Variants in TFAP2C observed in about 807,000 individuals in gnomAD.
The protein encoded by TFAP2C is transcription factor AP-2 gamma, also known as activating enhancer-binding protein 2 gamma.
TFAP2C carries 9 observed loss-of-function variants against 42.9 expected under a neutral mutation model. The ratio of observed to expected loss-of-function variants is 0.21; its 90% confidence interval spans 0.13 to 0.37. The LOEUF (loss-of-function observed/expected upper bound fraction) is 0.37, where lower values mean the gene tolerates loss of function less well. Among genes scored for constraint, TFAP2C ranks in the 10% least tolerant of loss-of-function variants. The pLI is 1.00. For missense variants in TFAP2C, 462 were observed against 591.7 expected (o/e 0.78, Z 2.27); for synonymous variants, 264 against 256.0 (o/e 1.03, Z -0.30).
Position 56,631,016 on chromosome 20 carries a change from C to T in TFAP2C, c.49-189C>T. 8.1e-6 allele frequency: 8 copies of T among 985,400 alleles called. No individual in the cohort carries two copies. Among genetic ancestry groups the T allele is most frequent in the Admixed American group, 6.1e-5 (1 of 16,292 alleles). The allele number at this position is 985,400 out of a possible 1,614,324, so 61.0% of individuals were successfully genotyped here. ...CTTTCACCAGACTCTCCTCCCTCCC[C>T]GCACTCTTTGCTTACAACGAAATCC... On this transcript the variant is annotated intron_variant, in intron 1 of 6. Coordinates refer to ENST00000201031, the MANE Select transcript of TFAP2C (RefSeq NM_003222.4). The surrounding 1 kb of genome is among the most constrained non-coding windows in gnomAD (Gnocchi z 6.1).
rs2146446254 is a variant in TFAP2C, at chr20:56,631,296, C to G, written c.140C>G (p.Ser47Cys). The G allele has an allele frequency of 6.2e-7, 1 of 1,607,842 alleles. No homozygotes were observed. Among genetic ancestry groups the G allele is most frequent in the Non-Finnish European group, 8.5e-7 (1 of 1,177,824 alleles). Residue 47 changes from serine (S) to cysteine (C), a missense_variant, in exon 2 of 7, where the codon TCC (serine) becomes TGC (cysteine). Physicochemically the swap from Ser to Cys is moderately radical, Grantham distance 112 (BLOSUM62 -1). This residue lies in a region of TFAP2C where 271 missense variants were observed against 269.7 expected (regional missense o/e 1.00). Coordinates refer to ENST00000201031, the MANE Select transcript of TFAP2C (RefSeq NM_003222.4). The surrounding 1 kb of genome is among the most constrained non-coding windows in gnomAD (Gnocchi z 6.1). ...CTCTACAGCCCCGCGCCACCCCTCT[C>G]CCACACTGGAGTCGCCGAATATCAG... ...QHLYSPAPPL[S>C]HTGVAEYQPP... is the part of the protein sequence containing the mutation.
chr20:56,637,949 C>G lies in TFAP2C; in HGVS notation c.1289C>G (p.Pro430Arg), dbSNP rs1377756888. The G allele has an allele frequency of 3.1e-6, 5 of 1,613,950 alleles. No individual in the cohort carries two copies. Among genetic ancestry groups the G allele is most frequent in the East Asian group, 2.2e-5 (1 of 44,900 alleles). The change falls in exon 7 of 7, where the codon CCT (proline) becomes CGT (arginine). Residue 430 changes from proline (P) to arginine (R), a missense_variant. Pro to Arg is a moderately radical substitution (Grantham distance 103). Coordinates refer to ENST00000201031, the MANE Select transcript of TFAP2C (RefSeq NM_003222.4). The part of the protein sequence containing the change: ...LIVIDKSYMN[P>R]GDQSPADSNK... The stretch of plus-strand genomic sequence containing the variant: ...GTCATAGACAAATCCTACATGAACC[C>G]TGGAGACCAGAGTCCAGCTGATTCT...
chr20:56,634,382 G>T (rs898465678), intron 5 of TFAP2C, 114 bp downstream of exon 5: 6 of 719,700 alleles, frequency 8.3e-6, no homozygotes, highest in Admixed American at 8.1e-5. Flanking sequence ...AAGTAGAGAT[G>T]AAAGCAATTG....
Position 56,631,521 on chromosome 20 carries a change from C to T in TFAP2C, c.365C>T (p.Ala122Val). 6.6e-7 allele frequency: 1 copy of T among 1,507,170 alleles called. No homozygotes were observed. The highest frequency in any genetic ancestry group is 2.6e-5 in the East Asian group (1 of 38,824). The allele number at this position is 1,507,170 out of a possible 1,614,324, so 93.4% of individuals were successfully genotyped here. The part of the protein sequence containing the change: ...AGLPSHHGRP[A>V]GLLPHLSGLE... ...CTGCCCTCGCACCACGGGCGCCCGG[C>T]CGGCCTACTGCCCCACCTCTCCGGG... The change falls in exon 2 of 7, where the codon GCC (alanine) becomes GTC (valine). Residue 122 changes from alanine to valine, a missense_variant. Physicochemically the swap from Ala to Val is moderately conservative, Grantham distance 64. Coordinates refer to ENST00000201031, the MANE Select transcript of TFAP2C (RefSeq NM_003222.4). This position sits in a 1 kb window ranked among gnomAD's most constrained non-coding sequence, Gnocchi z 6.1.
intron 6 of TFAP2C, among the ~76,000 whole-genome samples, chr20:56,637,024 G>A (rs942150363): frequency 1.3e-5 from 2 of 152,256 alleles, no homozygotes; most frequent in Admixed American, 1.3e-4. Flanking sequence ...TTTCATTATT[G>A]TGTTAGCATA....
rs1568753299 is a variant in TFAP2C at position 56,636,712 on chromosome 20, G to A, written c.1025G>A (p.Arg342Gln). 10 of 1,613,542 alleles carry A rather than the reference G, an allele frequency of 6.2e-6. No homozygotes were observed. The highest frequency in any genetic ancestry group is 1.1e-5 in the South Asian group (1 of 90,840). ...EYLTRPHLGGRNEMAARKNML... is the reference protein window; with the variant it reads ...EYLTRPHLGGQNEMAARKNML... The stretch of plus-strand genomic sequence containing the variant: ...TTAACCAGACCTCATCTTGGAGGAC[G>A]AAATGAGATGGCAGCTAGGAAGAAC... Residue 342 changes from arginine to glutamine, a missense_variant, in exon 6 of 7, where the codon CGA becomes CAA. Coordinates refer to ENST00000201031, the MANE Select transcript of TFAP2C (RefSeq NM_003222.4).
rs751078089 is a variant in TFAP2C at position 56,634,239 on chromosome 20, A to G, written c.893A>G (p.His298Arg). Reference sequence around the variant, plus strand: ...CCGGCCGGGAGGCGGAAAGCCGCTCATGTGACTCTCCTGACATCCTTAGTA... The same window carrying G: ...CCGGCCGGGAGGCGGAAAGCCGCTCGTGTGACTCTCCTGACATCCTTAGTA... ...NLPAGRRKAA[H>R]VTLLTSLVEG... The change falls in exon 5 of 7, where the codon CAT (histidine) becomes CGT (arginine). Residue 298 changes from histidine to arginine, a missense_variant. Transcript: ENST00000201031. The G allele has an allele frequency of 2.5e-6, 4 of 1,614,082 alleles. No homozygotes were observed. The highest frequency in any genetic ancestry group is 3.3e-5 in the Admixed American group (2 of 60,022).
Position 56,629,541 on chromosome 20 carries a change from C to A in TFAP2C, c.-4C>A. On this transcript the variant is annotated 5_prime_UTR_variant, in exon 1 of 7. Transcript: ENST00000201031. The surrounding 1 kb of genome is among the most constrained non-coding windows in gnomAD (Gnocchi z 5.9). Reference sequence around the variant, plus strand: ...GGCGACTGTTTTGGGGGACGCCGGACGCCATGTTGTGGAAAATAACCGATA... The same window carrying A: ...GGCGACTGTTTTGGGGGACGCCGGAAGCCATGTTGTGGAAAATAACCGATA... 7.0e-7 allele frequency: 1 copy of A among 1,425,464 alleles called. No homozygotes were observed. The highest frequency in any genetic ancestry group is 9.2e-7 in the Non-Finnish European group (1 of 1,087,276). The allele number at this position is 1,425,464 out of a possible 1,614,324, so 88.3% of individuals were successfully genotyped here.
chr20:56,629,455 G>A lies in TFAP2C; in HGVS notation c.-90G>A. 1 of 1,212,492 alleles carries A rather than the reference G, an allele frequency of 8.2e-7. No individual in the cohort carries two copies. Among genetic ancestry groups the A allele is most frequent in the African/African-American group, 1.6e-5 (1 of 64,162 alleles). 75.1% of individuals were successfully genotyped at this position (1,212,492 alleles called of 1,614,324 possible). A position where few individuals can be genotyped will look rare whatever the true frequency, so the allele number is the denominator to read the frequency against. On this transcript the variant is annotated 5_prime_UTR_variant, in exon 1 of 7. Transcript: ENST00000201031. The surrounding 1 kb of genome is among the most constrained non-coding windows in gnomAD (Gnocchi z 5.9). ...CGGCGGGGGCGGCGGCAGACGCCTG[G>A]TCACCGTGACCCCGATTTTGGATTT...
At position 56,630,264 on chromosome 20, in the gene TFAP2C, CGGG is replaced by C. The variant is rs1167302392; in HGVS notation, c.48+673_48+675del. ...TCAGGGGCGCCGGGAGCGCGGAGCT[CGGG>C]CTACGGACTCGCGGGAGTTCACTGC... On this transcript the variant is annotated intron_variant, in intron 1 of 6. Transcript: ENST00000201031. This position sits in a 1 kb window ranked among gnomAD's most constrained non-coding sequence, Gnocchi z 5.1. 1 of 319,446 alleles carries C rather than the reference CGGG, an allele frequency of 3.1e-6. No individual in the cohort carries two copies. Among genetic ancestry groups the C allele is most frequent in the African/African-American group, 2.2e-5 (1 of 44,590 alleles). The allele number at this position is 319,446 out of a possible 1,614,324, so 19.8% of individuals were successfully genotyped here.
intron 5 of TFAP2C, among the ~76,000 whole-genome samples, chr20:56,634,925 G>A (rs542465228): frequency 6.6e-6 from 1 of 152,316 alleles, no homozygotes; most frequent in South Asian, 2.1e-4. Flanking sequence ...ACCTTTAAAA[G>A]GAGCTGAAGG....
At chr20:56,637,389 A>T (rs1987604284) in intron 6 of TFAP2C, among the ~76,000 whole-genome samples, 1 of 152,216 alleles carries the variant, frequency 6.6e-6, no homozygotes, top group African/African-American at 2.4e-5. Flanking sequence ...ACTTGTACCA[A>T]GGTAAACTGT....
chr20:56,632,346 G>C (rs6025020), intron 3 of TFAP2C, among the ~76,000 whole-genome samples: 76,988 of 152,084 alleles, frequency 0.51, 22,557 homozygotes, highest in African/African-American at 0.83. Flanking sequence ...ATGAATACCT[G>C]TAAAAGGAAC....
rs1314184477 is a variant in TFAP2C at position 56,639,096 on chromosome 20, ACT to A, written c.*1088_*1089del. The stretch of plus-strand genomic sequence containing the variant: ...GCTTGGAAGATTCTATTTAATTGAA[ACT>A]CTCTGTTCAGAAAGCAATAACTTTG... On this transcript the variant is annotated 3_prime_UTR_variant, in exon 7 of 7. Transcript: ENST00000201031. The A allele has an allele frequency of 7.9e-5, 12 of 152,514 alleles. No homozygotes were observed. The highest frequency in any genetic ancestry group is 1.3e-4 in the Admixed American group (2 of 15,266). The allele number at this position is 152,514 out of a possible 1,614,324, so 9.4% of individuals were successfully genotyped here.
At chr20:56,632,007 A>C (rs1323723681) in intron 3 of TFAP2C, 151 bp downstream of exon 3, 13 of 888,258 alleles carry the variant, frequency 1.5e-5, no homozygotes, top group Non-Finnish European at 2.2e-5. Context: ...TTTAGGAGTG[A>C]CAGAAAGGGA....
chr20:56,637,334 T>A, intron 6 of TFAP2C, among the ~76,000 whole-genome samples: 1 of 152,202 alleles, frequency 6.6e-6, no homozygotes, highest in Non-Finnish European at 1.5e-5. Flanking sequence ...TTCAGGGGGA[T>A]GCTTCCTTCT....
At position 56,630,655 on chromosome 20, in the gene TFAP2C, C is replaced by T. The variant is rs1443661125; in HGVS notation, c.49-550C>T. 1.0e-6 allele frequency: 1 copy of T among 981,480 alleles called. No individual in the cohort carries two copies. The highest frequency in any genetic ancestry group is 1.2e-6 in the Non-Finnish European group (1 of 826,466). The allele number at this position is 981,480 out of a possible 1,614,324, so 60.8% of individuals were successfully genotyped here. On this transcript the variant is annotated intron_variant, in intron 1 of 6. Coordinates refer to ENST00000201031, the MANE Select transcript of TFAP2C (RefSeq NM_003222.4). The surrounding 1 kb of genome is among the most constrained non-coding windows in gnomAD (Gnocchi z 5.1). ...GCGCAGGGTGGCGGGCCCTGCTTTC[C>T]GAGCGCCGCCCGCTCGGAGGTCTTT...
At chr20:56,637,022 T>C (rs1987594787) in intron 6 of TFAP2C, among the ~76,000 whole-genome samples, 1 of 152,224 alleles carries the variant, frequency 6.6e-6, no homozygotes, top group Non-Finnish European at 1.5e-5. Context: ...CCTTTCATTA[T>C]TGTGTTAGCA....
rs962723817 is a variant in TFAP2C, at chr20:56,634,092, G to A, written c.804-58G>A. The A allele has an allele frequency of 1.7e-5, 20 of 1,146,294 alleles. No individual in the cohort carries two copies. In the Middle Eastern group the frequency reaches 5.8e-4, roughly 33 times the overall value. 71.0% of individuals were successfully genotyped at this position (1,146,294 alleles called of 1,614,324 possible). A position where few individuals can be genotyped will look rare whatever the true frequency, so the allele number is the denominator to read the frequency against. ...TAGGAGTTTAGAATTTTTAAAGTGT[G>A]CGTGTGTATGTGTTTTTGTTTTTGA... is the stretch of plus-strand genomic sequence containing the variant. On this transcript the variant is annotated intron_variant, in intron 4 of 6. Transcript: ENST00000201031.
Sources: gnomAD v4.1 joint callset for allele counts (sites outside exome capture counted in the v4.1 genomes callset) on GRCh38, gnomAD v4.1.1 for gene constraint, gnomAD v4.1.1 regional missense constraint, Gnocchi (gnomAD v3.1) non-coding constraint, MANE v1.5 for transcripts, NCBI Gene and HGNC (gene_info 2026-07-23, HGNC 2026-07-21) for gene names.